The following SCAI variants were observed in gnomAD, a reference collection of about 807,000 sequenced individuals.
SCAI encodes the protein protein SCAI.
In SCAI, 24 loss-of-function variants were observed where a neutral mutation model predicts 92.2. The observed-to-expected ratio is 0.26, with a 90% CI of 0.19 to 0.37. SCAI has a LOEUF of 0.37. Ranked by LOEUF, SCAI falls within the 10% of genes least tolerant of loss-of-function variation. SCAI has a pLI of 1.00. For synonymous variants in SCAI, 261 were observed against 258.6 expected (o/e 1.01, Z -0.09); for missense variants, 450 against 736.2 (o/e 0.61, Z 4.50).
intron 2 of SCAI, among the ~76,000 whole-genome samples, chr9:125,078,694 T>A (rs1439163965): frequency 2.6e-5 from 4 of 151,582 alleles, no homozygotes; most frequent in Admixed American, 2.6e-4. Flanking sequence ...GGCAGGAGAG[T>A]CACTTGAGCC....
chr9:125,039,516 G>C (rs1286511663), intron 3 of SCAI, among the ~76,000 whole-genome samples: 1 of 152,052 alleles, frequency 6.6e-6, no homozygotes, highest in Non-Finnish European at 1.5e-5. Flanking sequence ...ATTAACTTTT[G>C]CTGCATAACA....
chr9:125,045,934 T>A (rs1833425042), intron 3 of SCAI, among the ~76,000 whole-genome samples: 1 of 151,822 alleles, frequency 6.6e-6, no homozygotes, highest in African/African-American at 2.4e-5. Context: ...TGGTTAAAAG[T>A]GAACACTTTT....
chr9:125,077,406 C>T (rs902755207), intron 2 of SCAI, among the ~76,000 whole-genome samples: 1 of 152,188 alleles, frequency 6.6e-6, no homozygotes, highest in Non-Finnish European at 1.5e-5. Context: ...AATACTGCTA[C>T]AAATATTTGC....
intron 17 of SCAI, among the ~76,000 whole-genome samples, chr9:124,964,871 C>T (rs1208371115): frequency 6.6e-6 from 1 of 152,204 alleles, no homozygotes; most frequent in Non-Finnish European, 1.5e-5. Flanking sequence ...GCATTAGCAG[C>T]TTTATAGATA....
chr9:125,010,337 G>T (rs773046943), intron 9 of SCAI, among the ~76,000 whole-genome samples: 12 of 152,202 alleles, frequency 7.9e-5, no homozygotes, highest in Non-Finnish European at 1.5e-4. Context: ...CCAATACTGC[G>T]CTTTTCCGAC....
intron 3 of SCAI, among the ~76,000 whole-genome samples, chr9:125,040,854 T>G (rs1833306175): frequency 6.6e-6 from 1 of 152,040 alleles, no homozygotes; most frequent in Non-Finnish European, 1.5e-5. Context: ...AGGCTAGTCT[T>G]GAACTACTGA....
chr9:125,010,701 T>G (rs375325784), intron 9 of SCAI, among the ~76,000 whole-genome samples: 2 of 152,242 alleles, frequency 1.3e-5, no homozygotes, highest in African/African-American at 2.4e-5. Flanking sequence ...GCACGCAGCT[T>G]GAGATCTGAG....
intron 3 of SCAI, among the ~76,000 whole-genome samples, chr9:125,047,455 A>G (rs1833467282): frequency 6.6e-6 from 1 of 152,228 alleles, no homozygotes; most frequent in East Asian, 1.9e-4. Flanking sequence ...AGCCATAGCA[A>G]ACTGATACAG....
At chr9:125,126,648 T>G (rs2131258405) in intron 2 of SCAI, among the ~76,000 whole-genome samples, 1 of 152,146 alleles carries the variant, frequency 6.6e-6, no homozygotes, top group East Asian at 1.9e-4. Context: ...AAACCCAATC[T>G]GGGAAGAGAC....
intron 9 of SCAI, among the ~76,000 whole-genome samples, chr9:125,011,897 A>C (rs1229475251): frequency 1.3e-5 from 2 of 152,196 alleles, no homozygotes; most frequent in African/African-American, 2.4e-5. Context: ...AAAGAAAAGA[A>C]TTTTCAACCC....
chr9:124,985,946 T>C (rs548441716), intron 14 of SCAI, among the ~76,000 whole-genome samples: 1 of 152,028 alleles, frequency 6.6e-6, no homozygotes, highest in East Asian at 1.9e-4. Context: ...TAAGTATGCT[T>C]ATTAAGTTTG....
At chr9:125,041,322 T>C (rs530315272) in intron 3 of SCAI, among the ~76,000 whole-genome samples, 3 of 152,340 alleles carry the variant, frequency 2.0e-5, no homozygotes, top group East Asian at 3.9e-4. Flanking sequence ...CAGATGTTTT[T>C]AAATGTAAGT....
rs758268366 is a variant in SCAI at position 125,143,391 on chromosome 9, G to A, written c.47C>T (p.Ala16Val). Residue 16 changes from alanine (A) to valine (V), a missense_variant, in exon 1 of 18, where the codon GCC (alanine) becomes GTC (valine). By Grantham distance (64) the Ala-to-Val change is moderately conservative. Coordinates refer to ENST00000336505, the MANE Select transcript of SCAI (RefSeq NM_001144877.3). ...CTCCACCCAGCCCCCGCACCTGGGG[G>A]CCAGGCGACTCCGCGGCTGCTGGGG... ...RQPQQPRSRLAPRLTGTVEKP... is the reference protein window; with the variant it reads ...RQPQQPRSRLVPRLTGTVEKP... 1.4e-6 allele frequency: 2 copies of A among 1,390,670 alleles called. No individual in the cohort carries two copies. The highest frequency in any genetic ancestry group is 2.9e-5 in the Admixed American group (1 of 34,980). The allele number at this position is 1,390,670 out of a possible 1,614,324, so 86.1% of individuals were successfully genotyped here.
rs149174825 is a variant in SCAI, at chr9:124,999,550, G to A, written c.1244+341C>T. Among the ~76,000 whole-genome samples the A allele has an allele frequency of 2.3e-3, 346 of 152,124 alleles. 1 individual carries two copies. The highest frequency in any genetic ancestry group is 7.8e-3 in the African/African-American group (325 of 41,520). ...AAGAAAAAAATTTGTTTAAAAGTTC[G>A]TATTGATGTTACATGTATAATGTCC... On this transcript the variant is annotated intron_variant, in intron 13 of 17. Transcript: ENST00000336505.
At chr9:125,081,331 A>T (rs1834212444) in intron 2 of SCAI, among the ~76,000 whole-genome samples, 1 of 152,226 alleles carries the variant, frequency 6.6e-6, no homozygotes, top group Non-Finnish European at 1.5e-5. Context: ...AAATGCTGAT[A>T]GTGATATGGA....
At chr9:124,977,183 T>C (rs1831777913) in intron 14 of SCAI, among the ~76,000 whole-genome samples, 1 of 152,204 alleles carries the variant, frequency 6.6e-6, no homozygotes, top group Admixed American at 6.5e-5. Context: ...CATACTATGT[T>C]CTTAGAGATA....
intron 14 of SCAI, among the ~76,000 whole-genome samples, chr9:124,985,866 TAAA>T (rs199869823): frequency 1.7e-5 from 1 of 58,448 alleles, no homozygotes; most frequent in Non-Finnish European, 3.7e-5. Context: ...TCTGTCTCAA[TAAA>T]AAAAAAAAAA....
intron 2 of SCAI, among the ~76,000 whole-genome samples, chr9:125,097,634 G>C (rs905211612): frequency 6.6e-6 from 1 of 151,566 alleles, no homozygotes; most frequent in Non-Finnish European, 1.5e-5. Flanking sequence ...TAGTCTTACA[G>C]TTTTGTGATT....
chr9:125,079,773 A>ACC (rs1237459784), intron 2 of SCAI, among the ~76,000 whole-genome samples: 3 of 151,906 alleles, frequency 2.0e-5, no homozygotes, highest in Non-Finnish European at 2.9e-5. Flanking sequence ...AAAAAAAAAA[A>ACC]CTGGTATTTC....
Sources: allele counts gnomAD v4.1 joint callset (sites outside exome capture counted in the v4.1 genomes callset), GRCh38; gene constraint gnomAD v4.1.1; transcripts MANE v1.5; gene names NCBI Gene and HGNC (gene_info 2026-07-23, HGNC 2026-07-21).